Variants in FAM193B observed in about 807,000 individuals in gnomAD.
FAM193B encodes family with sequence similarity 193 member B.
FAM193B carries 27 observed loss-of-function variants against 70.7 expected under a neutral mutation model. That is an observed-to-expected ratio of 0.38 (90% confidence interval 0.28 to 0.53). The LOEUF is 0.53. FAM193B is among the 20% of genes least tolerant of loss of function. The probability of loss-of-function intolerance (pLI) is 0.81; values close to 1 mark genes in which losing one functional copy is unlikely to be tolerated. For missense variants in FAM193B, 1,022 were observed against 1,072.5 expected (o/e 0.95, Z 0.66); for synonymous variants, 448 against 436.0 (o/e 1.03, Z -0.34).
intron 1 of FAM193B, among the ~76,000 whole-genome samples, chr5:177,544,648 T>A (rs1467564386): frequency 6.6e-6 from 1 of 152,244 alleles, no homozygotes; most frequent in Non-Finnish European, 1.5e-5. Context: ...ACTTTTCTGA[T>A]GAAATTGGTG....
intron 1 of FAM193B, among the ~76,000 whole-genome samples, chr5:177,548,997 T>A (rs1765824154): frequency 1.3e-5 from 2 of 152,034 alleles, no homozygotes; most frequent in Admixed American, 6.5e-5. Context: ...TACCACCTTG[T>A]CCTCTGGAGA....
intron 1 of FAM193B, among the ~76,000 whole-genome samples, chr5:177,542,075 G>T (rs1170465544): frequency 2.6e-5 from 4 of 152,202 alleles, no homozygotes; most frequent in African/African-American, 9.7e-5. Context: ...GACTGTATAT[G>T]GTTTTGTAGT....
rs1158551090 is a variant in FAM193B, at chr5:177,554,363, C to A, written c.96G>T (p.Pro32=). The A allele has an allele frequency of 8.2e-7, 1 of 1,217,338 alleles. No individual in the cohort carries two copies. Among genetic ancestry groups the A allele is most frequent in the Admixed American group, 4.4e-5 (1 of 22,890 alleles). The allele number at this position is 1,217,338 out of a possible 1,614,324, so 75.4% of individuals were successfully genotyped here. A position where few individuals can be genotyped will look rare whatever the true frequency, so the allele number is the denominator to read the frequency against. The part of the protein sequence containing the change: ...GPQKPQAPEP[P]PPPSLEAGAG... Reference sequence around the variant, plus strand: ...CTCCCGCCTCCAGGCTTGGCGGCGGCGGGGGCTCGGGCGCCTGGGGCTTCT... The same window carrying A: ...CTCCCGCCTCCAGGCTTGGCGGCGGAGGGGGCTCGGGCGCCTGGGGCTTCT... Residue 32 remains proline, a synonymous_variant, in exon 1 of 9, where the codon CCG becomes CCT. Transcript: ENST00000514747.
In FAM193B at chr5:177,524,560, C is replaced by T. The variant is rs775210849; in HGVS notation, c.1921G>A (p.Gly641Ser). The T allele has an allele frequency of 9.9e-6, 16 of 1,610,466 alleles. No individual in the cohort carries two copies. The highest frequency in any genetic ancestry group is 1.4e-5 in the Non-Finnish European group (16 of 1,178,442). Residue 641 changes from glycine to serine, a missense_variant, in exon 6 of 9, where the codon GGC becomes AGC. By Grantham distance (56) the Gly-to-Ser change is moderately conservative (BLOSUM62 0). Transcript: ENST00000514747. ...GGKPQKGKRQ[G>S]SQAKKSEASP... is the part of the protein sequence containing the mutation. ...GCCTCGCTCTTCTTGGCCTGACTGC[C>T]CTGCCTCTTGCCCTTCTGTGGCTTC...
intron 1 of FAM193B, chr5:177,547,125 TAC>T (rs1217351935): frequency 6.6e-6 from 1 of 152,292 alleles, no homozygotes; most frequent in Middle Eastern, 3.4e-3. Context: ...AACCATATTT[TAC>T]AGAGTTGTGA....
At chr5:177,549,835 G>A (rs1395407318) in intron 1 of FAM193B, among the ~76,000 whole-genome samples, 2 of 149,518 alleles carry the variant, frequency 1.3e-5, no homozygotes, top group African/African-American at 2.5e-5. Flanking sequence ...CAGTTGTGGG[G>A]GCAGACAAGA....
Position 177,554,369 on chromosome 5 carries a change from C to T in FAM193B, c.90G>A (p.Glu30=), listed in dbSNP as rs952050218. Residue 30 remains glutamate, a synonymous_variant, in exon 1 of 9, where the codon GAG becomes GAA. Coordinates refer to ENST00000514747, the MANE Select transcript of FAM193B (RefSeq NM_001190946.3). ...AAGPQKPQAP[E]PPPPPSLEAG... is the part of the protein sequence containing the mutation. ...CCTCCAGGCTTGGCGGCGGCGGGGG[C>T]TCGGGCGCCTGGGGCTTCTGCGGCC... is the stretch of plus-strand genomic sequence containing the variant. The T allele has an allele frequency of 1.4e-5, 17 of 1,212,500 alleles. No individual in the cohort carries two copies. The East Asian group carries it at 3.7e-4, about 26-fold the overall frequency. The allele number at this position is 1,212,500 out of a possible 1,614,324, so 75.1% of individuals were successfully genotyped here. A position where few individuals can be genotyped will look rare whatever the true frequency, so the allele number is the denominator to read the frequency against.
Position 177,525,172 on chromosome 5 carries a change from G to C in FAM193B, c.1309C>G (p.Leu437Val), listed in dbSNP as rs1195856416. The change falls in exon 6 of 9, where the codon CTA becomes GTA. Residue 437 changes from leucine (L) to valine (V), a missense_variant. Leu to Val is a conservative substitution (Grantham distance 32). Transcript: ENST00000514747. ...CCAGAAACACGATTTGCCTGCTTTA[G>C]AGCTTCTGCTGCCAACTGGGCCTTC... The part of the protein sequence containing the change: ...KEKAQLAAEA[L>V]KQANRVSGSR... 6.7e-7 allele frequency: 1 copy of C among 1,485,924 alleles called. No individual in the cohort carries two copies. The highest frequency in any genetic ancestry group is 9.0e-7 in the Non-Finnish European group (1 of 1,116,566). The allele number at this position is 1,485,924 out of a possible 1,614,324, so 92.0% of individuals were successfully genotyped here. A position where few individuals can be genotyped will look rare whatever the true frequency, so the allele number is the denominator to read the frequency against.
At chr5:177,549,187 CTTTTTTTTTT>C (rs141797022) in intron 1 of FAM193B, among the ~76,000 whole-genome samples, 1 of 93,024 alleles carries the variant, frequency 1.1e-5, no homozygotes, top group Non-Finnish European at 2.2e-5. Context: ...ATTGTCTTTT[CTTTTTTTTTT>C]TTTTTTTTTT....
chr5:177,523,613 C>T (rs529409531), intron 7 of FAM193B, among the ~76,000 whole-genome samples: 54 of 152,372 alleles, frequency 3.5e-4, no homozygotes, highest in African/African-American at 1.3e-3. Context: ...TGTTCATGGC[C>T]AGACTCCTGG....
intron 5 of FAM193B, among the ~76,000 whole-genome samples, chr5:177,528,308 A>G (rs556825741): frequency 2.0e-3 from 298 of 152,328 alleles, no homozygotes; most frequent in African/African-American, 6.9e-3. Flanking sequence ...AACCGCCTGC[A>G]ATGAGCTAAT....
chr5:177,548,952 T>C (rs1044101085), intron 1 of FAM193B, among the ~76,000 whole-genome samples: 4 of 152,060 alleles, frequency 2.6e-5, no homozygotes, highest in Non-Finnish European at 4.4e-5. Context: ...CCCTGGGTCT[T>C]TGTACAAGTT....
At chr5:177,554,132 GA>G in intron 1 of FAM193B, 116 bp downstream of exon 1, 1 of 1,422,456 alleles carries the variant, frequency 7.0e-7, no homozygotes, top group South Asian at 1.4e-5. Context: ...GGACCCGGGG[GA>G]AGGCTGCTAC....
Position 177,523,993 on chromosome 5 carries a change from A to G in FAM193B, c.2336T>C (p.Met779Thr). 1.9e-6 allele frequency: 3 copies of G among 1,614,026 alleles called. No individual in the cohort carries two copies. The highest frequency in any genetic ancestry group is 2.5e-6 in the Non-Finnish European group (3 of 1,179,890). The stretch of plus-strand genomic sequence containing the variant: ...CTCCACCTCTCGGTCAGTCTCATCC[A>G]TCTCCACCCCGTCCATGTCCTTGGG... ...FLPKDMDGVE[M>T]DETDREVEYF... is the part of the protein sequence containing the mutation. The change falls in exon 7 of 9, where the codon ATG becomes ACG. Residue 779 changes from methionine (M) to threonine (T), a missense_variant. Physicochemically the swap from Met to Thr is moderately conservative, Grantham distance 81. Transcript: ENST00000514747.
chr5:177,524,820 G>A lies in FAM193B; in HGVS notation c.1661C>T (p.Ala554Val), dbSNP rs1581842404. Residue 554 changes from alanine (A) to valine (V), a missense_variant, in exon 6 of 9, where the codon GCC becomes GTC. Coordinates refer to ENST00000514747, the MANE Select transcript of FAM193B (RefSeq NM_001190946.3). The stretch of plus-strand genomic sequence containing the variant: ...GCCTCTCATTTCTGCCCATGGTGGG[G>A]CTGGCTCGCCTGGAGCTTGTAACGT... Reference protein sequence around the residue: ...NHTLQAPGEPAPPWAEMRGPH... With the variant: ...NHTLQAPGEPVPPWAEMRGPH... 6.6e-7 allele frequency: 1 copy of A among 1,510,940 alleles called. No homozygotes were observed. The highest frequency in any genetic ancestry group is 2.4e-5 in the Admixed American group (1 of 42,168). The allele number at this position is 1,510,940 out of a possible 1,614,324, so 93.6% of individuals were successfully genotyped here.
At chr5:177,521,162 AC>A (rs1320931459) in intron 8 of FAM193B, among the ~76,000 whole-genome samples, 1 of 152,132 alleles carries the variant, frequency 6.6e-6, no homozygotes, top group Non-Finnish European at 1.5e-5. Context: ...AAAAGGCCTG[AC>A]CCCAGGGACA....
Position 177,554,422 on chromosome 5 carries a change from C to T in FAM193B, c.37G>A (p.Gly13Ser). 1 of 1,095,206 alleles carries T rather than the reference C, an allele frequency of 9.1e-7. No homozygotes were observed. 67.8% of individuals were successfully genotyped at this position (1,095,206 alleles called of 1,614,324 possible). ...GCGGCCCGAGCCCGCTCGCGCCTGCCCGCACCGCCGCTCGGCCTGCTCCGC... is the reference window on the plus strand; with the variant it reads ...GCGGCCCGAGCCCGCTCGCGCCTGCTCGCACCGCCGCTCGGCCTGCTCCGC... The part of the protein sequence containing the change: ...RRRSRPSGGA[G>S]RRERARAAGP... The change falls in exon 1 of 9, where the codon GGC (glycine) becomes AGC (serine). Residue 13 changes from glycine to serine, a missense_variant. Physicochemically the swap from Gly to Ser is moderately conservative, Grantham distance 56. Transcript: ENST00000514747.
Position 177,539,500 on chromosome 5 carries a change from T to C in FAM193B, c.211-353A>G, listed in dbSNP as rs543527526. 313 of 228,788 alleles carry C rather than the reference T, an allele frequency of 1.4e-3. 1 individual carries two copies. Among genetic ancestry groups the C allele is most frequent in the African/African-American group, 6.8e-3 (297 of 43,528 alleles). The allele number at this position is 228,788 out of a possible 1,614,324, so 14.2% of individuals were successfully genotyped here. A position where few individuals can be genotyped will look rare whatever the true frequency, so the allele number is the denominator to read the frequency against. On this transcript the variant is annotated intron_variant, in intron 1 of 8. Transcript: ENST00000514747. Reference sequence around the variant, plus strand: ...GAAGATGGCCCTTCCCTCTCTGGCATGGCTGGGAGTGTCCACAATTCTTGG... The same window carrying C: ...GAAGATGGCCCTTCCCTCTCTGGCACGGCTGGGAGTGTCCACAATTCTTGG...
chr5:177,521,715 T>A (rs2242319), intron 8 of FAM193B, among the ~76,000 whole-genome samples: 1 of 152,168 alleles, frequency 6.6e-6, no homozygotes, highest in African/African-American at 2.4e-5. Flanking sequence ...GAAGGGGACC[T>A]TCAGGAGCAT....
Sources: allele counts gnomAD v4.1 joint callset (sites outside exome capture counted in the v4.1 genomes callset), GRCh38; gene constraint gnomAD v4.1.1; transcripts MANE v1.5; gene names NCBI Gene and HGNC (gene_info 2026-07-23, HGNC 2026-07-21).